The following ZDHHC20 variants were observed in gnomAD, a reference collection of about 807,000 sequenced individuals.
ZDHHC20 encodes palmitoyltransferase ZDHHC20.
In ZDHHC20, 43 loss-of-function variants were observed where a neutral mutation model predicts 57.8. The ratio of observed to expected loss-of-function variants is 0.74; its 90% CI spans 0.58 to 0.96. The LOEUF (loss-of-function observed/expected upper bound fraction) is 0.96. ZDHHC20 is among the 40% of genes least tolerant of loss of function. The pLI is 0.00. For missense variants in ZDHHC20, 391 were observed against 441.1 expected (o/e 0.89, Z 1.02); for synonymous variants, 157 against 153.0 (o/e 1.03, Z -0.19).
intron 1 of ZDHHC20, among the ~76,000 whole-genome samples, chr13:21,430,253 C>T (rs1426016502): frequency 2.0e-5 from 3 of 152,076 alleles, no homozygotes; most frequent in African/African-American, 7.2e-5. Context: ...CACCTTGTTG[C>T]CATCAGGTGG....
chr13:21,448,120 GC>G (rs1883972984), intron 1 of ZDHHC20, among the ~76,000 whole-genome samples: 1 of 141,768 alleles, frequency 7.1e-6, no homozygotes, highest in African/African-American at 2.6e-5. Context: ...GAGCCTCTCC[GC>G]CCGGCAGCCA....
At chr13:21,430,787 G>A (rs1179698272) in intron 1 of ZDHHC20, among the ~76,000 whole-genome samples, 1 of 152,024 alleles carries the variant, frequency 6.6e-6, no homozygotes, top group Non-Finnish European at 1.5e-5. Context: ...AAAATCTAGG[G>A]AACACACCAC....
intron 1 of ZDHHC20, among the ~76,000 whole-genome samples, chr13:21,448,407 G>GAGGGAGGT (rs1884059762): frequency 8.6e-6 from 1 of 115,816 alleles, no homozygotes; most frequent in Non-Finnish European, 2.0e-5. Flanking sequence ...CCCCGTCCGG[G>GAGGGAGGT]AGGGAGGTGG....
chr13:21,431,906 A>G (rs915968915), intron 1 of ZDHHC20, among the ~76,000 whole-genome samples: 7 of 152,150 alleles, frequency 4.6e-5, no homozygotes, highest in Non-Finnish European at 1.0e-4. Flanking sequence ...TTGCCTCTTT[A>G]TATTTTTAAC....
At chr13:21,416,040 A>G (rs954381480) in intron 3 of ZDHHC20, among the ~76,000 whole-genome samples, 1 of 151,318 alleles carries the variant, frequency 6.6e-6, no homozygotes, top group African/African-American at 2.4e-5. Flanking sequence ...CGCCTCTACT[A>G]AAAAAAATAC....
intron 1 of ZDHHC20, among the ~76,000 whole-genome samples, chr13:21,436,683 CACA>C (rs1420198173): frequency 8.5e-5 from 13 of 152,290 alleles, no homozygotes; most frequent in African/African-American, 3.1e-4. Flanking sequence ...TTTCCGGAGA[CACA>C]ACAATACTGC....
chr13:21,401,140 G>A (rs111321681), intron 6 of ZDHHC20, among the ~76,000 whole-genome samples: 3,754 of 151,938 alleles, frequency 0.025, 142 homozygotes, highest in African/African-American at 0.082. Context: ...TCAGCCAGGC[G>A]TGGTGGTGCA....
intron 4 of ZDHHC20, among the ~76,000 whole-genome samples, chr13:21,412,136 G>A (rs1879302051): frequency 6.6e-6 from 1 of 152,198 alleles, no homozygotes; most frequent in African/African-American, 2.4e-5. Flanking sequence ...GCATCCCAGG[G>A]TGCAGCTAGA....
At chr13:21,385,998 C>G (rs138092982) in intron 9 of ZDHHC20, among the ~76,000 whole-genome samples, 1 of 152,294 alleles carries the variant, frequency 6.6e-6, no homozygotes, top group African/African-American at 2.4e-5. Context: ...ATCCTATCGA[C>G]TTAGAATTCA....
rs760392342 is a variant in ZDHHC20 at position 21,373,508 on chromosome 13, T to C, written c.*3188A>G. ...CTTACGTATAGATGAAAATAAACTT[T>C]GTAAACTTGTTCATTTAAAATAACG... On this transcript the variant is annotated 3_prime_UTR_variant, in exon 13 of 13. Transcript: ENST00000400590. 1.6e-4 allele frequency: 24 copies of C among 152,346 alleles called. No individual in the cohort carries two copies. Among genetic ancestry groups the C allele is most frequent in the Non-Finnish European group, 3.2e-4 (22 of 68,018 alleles). The allele number at this position is 152,346 out of a possible 1,614,324, so 9.4% of individuals were successfully genotyped here.
chr13:21,436,191 C>G (rs150645356), intron 1 of ZDHHC20, among the ~76,000 whole-genome samples: 1 of 152,276 alleles, frequency 6.6e-6, no homozygotes, highest in African/African-American at 2.4e-5. Context: ...AAAACTGTAC[C>G]TTTATAGAAT....
chr13:21,455,722 T>C (rs1884869886), intron 1 of ZDHHC20, among the ~76,000 whole-genome samples: 3 of 152,046 alleles, frequency 2.0e-5, no homozygotes, highest in Admixed American at 2.0e-4. Flanking sequence ...AATGAGGGCC[T>C]CTTGGTAATC....
intron 11 of ZDHHC20, among the ~76,000 whole-genome samples, chr13:21,379,527 C>T (rs556240930): frequency 6.6e-6 from 1 of 152,266 alleles, no homozygotes; most frequent in South Asian, 2.1e-4. Context: ...AGTGATCCTC[C>T]TGCCTCAGCC....
chr13:21,401,713 C>T, intron 5 of ZDHHC20, 28 bp from the exon 6 acceptor site: 2 of 1,481,890 alleles, frequency 1.3e-6, no homozygotes, highest in Non-Finnish European at 1.8e-6. Context: ...ATAAGAAAAT[C>T]CATGCAGAAA....
chr13:21,412,124 C>T (rs935963777), intron 4 of ZDHHC20, among the ~76,000 whole-genome samples: 2 of 152,218 alleles, frequency 1.3e-5, no homozygotes, highest in Non-Finnish European at 2.9e-5. Context: ...AGGAAGGGTG[C>T]TGCATCCCAG....
chr13:21,404,946 C>T (rs929531278), intron 4 of ZDHHC20, among the ~76,000 whole-genome samples: 2 of 152,164 alleles, frequency 1.3e-5, no homozygotes, highest in Non-Finnish European at 2.9e-5. Flanking sequence ...TCATAGAAAG[C>T]TCTATCCAGG....
At chr13:21,422,894 G>C (rs1368275037) in intron 2 of ZDHHC20, among the ~76,000 whole-genome samples, 2 of 151,980 alleles carry the variant, frequency 1.3e-5, no homozygotes, top group African/African-American at 4.8e-5. Flanking sequence ...CACCATATTT[G>C]ACTATAGGTA....
At position 21,387,898 on chromosome 13, in the gene ZDHHC20, C is replaced by T. The variant is rs539281683; in HGVS notation, c.728-264G>A. ...TACTGAAAATCTAGTATTGTGTGCT[C>T]AGTATCTCTTGGCTTTTTTTTTCTA... On this transcript the variant is annotated intron_variant, in intron 8 of 12. Coordinates refer to ENST00000400590, the MANE Select transcript of ZDHHC20 (RefSeq NM_001330059.2). Among the ~76,000 whole-genome samples, 9 of 152,100 alleles carry T rather than the reference C, an allele frequency of 5.9e-5. No individual in the cohort carries two copies. The South Asian group carries it at 1.9e-3, about 32-fold the overall frequency.
chr13:21,386,713 TA>T (rs1400388830), intron 9 of ZDHHC20, among the ~76,000 whole-genome samples: 2 of 152,164 alleles, frequency 1.3e-5, no homozygotes, highest in Non-Finnish European at 2.9e-5. Flanking sequence ...CACACCCAGT[TA>T]ATTTTTGTAT....
Sources: gnomAD v4.1 joint callset for allele counts (sites outside exome capture counted in the v4.1 genomes callset) on GRCh38, gnomAD v4.1.1 for gene constraint, MANE v1.5 for transcripts, NCBI Gene and HGNC (gene_info 2026-07-23, HGNC 2026-07-21) for gene names.